SMARCB1: variants seen among roughly 807,000 people sequenced by gnomAD.
SMARCB1 encodes the protein SWI/SNF-related matrix-associated actin-dependent regulator of chromatin subfamily B member 1.
Under a neutral mutation model 49.0 loss-of-function variants are expected in SMARCB1, and 5 were observed. That is an observed-to-expected ratio of 0.10 (90% CI 0.05 to 0.21). The LOEUF is 0.21. Among genes scored for constraint, SMARCB1 ranks in the 10% least tolerant of loss-of-function variants. SMARCB1 has a pLI of 1.00. For missense variants in SMARCB1, 226 were observed against 509.2 expected, an observed-to-expected ratio of 0.44 and a Z score of 5.35; for synonymous variants, 201 against 200.1, an observed-to-expected ratio of 1.00 and a Z score of -0.04.
At chr22:23,828,531 G>A (rs2267042) in intron 7 of SMARCB1, among the ~76,000 whole-genome samples, 18,749 of 152,050 alleles carry the variant, frequency 0.12, 1,244 homozygotes, top group South Asian at 0.27. Context: ...GTGGGCACCC[G>A]TAATCCCAGC....
Position 23,835,811 on chromosome 22 carries a change from C to A in SMARCB1, c.*1631C>A, listed in dbSNP as rs575190094. 1.1e-4 allele frequency: 108 copies of A among 985,492 alleles called. No homozygotes were observed. The highest frequency in any genetic ancestry group is 1.3e-4 in the Non-Finnish European group (105 of 829,964). The allele number at this position is 985,492 out of a possible 1,614,324, so 61.0% of individuals were successfully genotyped here. A position where few individuals can be genotyped will look rare whatever the true frequency, so the allele number is the denominator to read the frequency against. On this transcript the variant is annotated 3_prime_UTR_variant, in exon 9 of 9. Coordinates refer to ENST00000644036, the MANE Select transcript of SMARCB1 (RefSeq NM_003073.5). ...ATGGAAGGAACCTTGGCTGCCTCAC[C>A]CCACAGGTCGGGCAGGGCCACCTGG... is the stretch of plus-strand genomic sequence containing the variant.
chr22:23,834,856 T>TCCCTGGGCCG lies in SMARCB1; in HGVS notation c.*683_*692dup. ...GAAGGTGCCGCGAGCTCTCCTGCCG[T>TCCCTGGGCCG]CCCTGGGCCGCCCTGGCTCTGCTGT... On this transcript the variant is annotated 3_prime_UTR_variant, in exon 9 of 9. Transcript: ENST00000644036. 6.2e-7 allele frequency: 1 copy of TCCCTGGGCCG among 1,612,564 alleles called. No homozygotes were observed. The highest frequency in any genetic ancestry group is 8.5e-7 in the Non-Finnish European group (1 of 1,179,752).
intron 3 of SMARCB1, among the ~76,000 whole-genome samples, chr22:23,799,210 C>T (rs1928972649): frequency 6.6e-6 from 1 of 152,022 alleles, no homozygotes; most frequent in African/African-American, 2.4e-5. Flanking sequence ...AAGCACAGAG[C>T]ACAACGGGCA....
rs112469624 is a variant in SMARCB1 at position 23,793,485 on chromosome 22, G to A, written c.233-74G>A. The A allele has an allele frequency of 4.9e-4, 740 of 1,520,660 alleles. 3 individuals carry two copies. The highest frequency in any genetic ancestry group is 1.3e-3 in the South Asian group (119 of 89,240). The allele number at this position is 1,520,660 out of a possible 1,614,324, so 94.2% of individuals were successfully genotyped here. A position where few individuals can be genotyped will look rare whatever the true frequency, so the allele number is the denominator to read the frequency against. ...CTCCCGCATGCGAGGACCTTGATGTGCTGCATCCACTTGGCTGGCTGCTGT... is the reference window on the plus strand; with the variant it reads ...CTCCCGCATGCGAGGACCTTGATGTACTGCATCCACTTGGCTGGCTGCTGT... On this transcript the variant is annotated intron_variant, in intron 2 of 8. Coordinates refer to ENST00000644036, the MANE Select transcript of SMARCB1 (RefSeq NM_003073.5).
intron 2 of SMARCB1, chr22:23,793,114 C>T (rs982516955): frequency 3.8e-6 from 1 of 264,800 alleles, no homozygotes; most frequent in African/African-American, 2.2e-5. Context: ...TATTCTTCAT[C>T]TTCCATTCCA....
rs2031069425 is a variant in SMARCB1 at position 23,836,635 on chromosome 22, C to T, written c.*2455C>T. On this transcript the variant is annotated 3_prime_UTR_variant, in exon 9 of 9. Transcript: ENST00000644036. Reference sequence around the variant, plus strand: ...TCTGTGGGCACCCCTATCCTACCACCTGCAGTTGGGCTGAGAGGCCACACT... The same window carrying T: ...TCTGTGGGCACCCCTATCCTACCACTTGCAGTTGGGCTGAGAGGCCACACT... The T allele has an allele frequency of 8.1e-7, 1 of 1,241,176 alleles. No homozygotes were observed. Among genetic ancestry groups the T allele is most frequent in the Non-Finnish European group, 1.0e-6 (1 of 995,978 alleles). 76.9% of individuals were successfully genotyped at this position (1,241,176 alleles called of 1,614,324 possible).
In SMARCB1 at chr22:23,793,604, C is replaced by G. The variant is rs2145963921; in HGVS notation, c.278C>G (p.Ala93Gly). 1 of 1,613,936 alleles carries G rather than the reference C, an allele frequency of 6.2e-7. No homozygotes were observed. Among genetic ancestry groups the G allele is most frequent in the East Asian group, 2.2e-5 (1 of 44,874 alleles). The change falls in exon 3 of 9, where the codon GCC (alanine) becomes GGC (glycine). Residue 93 changes from alanine (A) to glycine (G), a missense_variant. Transcript: ENST00000644036. Reference sequence around the variant, plus strand: ...GCCACCAGTGTGACCCTGTTAAAAGCCTCGGAAGTGGAAGAGATTCTGGAT... The same window carrying G: ...GCCACCAGTGTGACCCTGTTAAAAGGCTCGGAAGTGGAAGAGATTCTGGAT... The part of the protein sequence containing the change: ...TLATSVTLLK[A>G]SEVEEILDGN...
chr22:23,832,392 G>T (rs780417060), intron 7 of SMARCB1, among the ~76,000 whole-genome samples: 2 of 152,308 alleles, frequency 1.3e-5, no homozygotes, highest in South Asian at 4.1e-4. Flanking sequence ...TCCACCTGGC[G>T]CCTCCCCCGA....
intron 3 of SMARCB1, among the ~76,000 whole-genome samples, chr22:23,794,892 C>G (rs1197553217): frequency 6.6e-6 from 1 of 151,756 alleles, no homozygotes; most frequent in Non-Finnish European, 1.5e-5. Context: ...GAGTGAAACT[C>G]CACCTCAAAA....
At position 23,835,352 on chromosome 22, in the gene SMARCB1, A is replaced by T. The variant is rs759016358; in HGVS notation, c.*1172A>T. On this transcript the variant is annotated 3_prime_UTR_variant, in exon 9 of 9. Transcript: ENST00000644036. ...GATCCGGGCACAGATCCCAGCACAG[A>T]CTGCTGCCACCCTCAGCTGTTGGCA... 7.0e-6 allele frequency: 7 copies of T among 994,692 alleles called. No individual in the cohort carries two copies. The highest frequency in any genetic ancestry group is 8.4e-6 in the Non-Finnish European group (7 of 836,606). 61.6% of individuals were successfully genotyped at this position (994,692 alleles called of 1,614,324 possible). A position where few individuals can be genotyped will look rare whatever the true frequency, so the allele number is the denominator to read the frequency against.
At chr22:23,799,318 C>T (rs1039036701) in intron 3 of SMARCB1, among the ~76,000 whole-genome samples, 1 of 151,146 alleles carries the variant, frequency 6.6e-6, no homozygotes, top group Non-Finnish European at 1.5e-5. Context: ...GTTGCTCTCT[C>T]GCCCAGGCTG....
chr22:23,805,766 A>G lies in SMARCB1; in HGVS notation c.628+2344A>G, dbSNP rs183694328. ...GTGATCCGCCCGCCTTGGCCTCCCA[A>G]AGTGCTGGGATTACAGGCGTGAGCC... On this transcript the variant is annotated intron_variant, in intron 5 of 8. Transcript: ENST00000644036. Among the ~76,000 whole-genome samples the G allele has an allele frequency of 9.2e-5, 14 of 152,304 alleles. No homozygotes were observed. The East Asian group carries it at 2.5e-3, about 27-fold the overall frequency.
Position 23,837,837 on chromosome 22 carries a change from G to A in SMARCB1, c.*3657G>A. 1 of 1,612,438 alleles carries A rather than the reference G, an allele frequency of 6.2e-7. No individual in the cohort carries two copies. The highest frequency in any genetic ancestry group is 8.5e-7 in the Non-Finnish European group (1 of 1,179,078). On this transcript the variant is annotated 3_prime_UTR_variant, in exon 9 of 9. Coordinates refer to ENST00000644036, the MANE Select transcript of SMARCB1 (RefSeq NM_003073.5). ...GGGCCTGGCCCAGGAAGAACAGGCTGCCCAGGAGTCCCAGCAGCTGGGCCA... is the reference window on the plus strand; with the variant it reads ...GGGCCTGGCCCAGGAAGAACAGGCTACCCAGGAGTCCCAGCAGCTGGGCCA...
At chr22:23,792,161 G>A (rs1928421711) in intron 2 of SMARCB1, 1 of 473,562 alleles carries the variant, frequency 2.1e-6, no homozygotes, top group Non-Finnish European at 3.9e-6. Context: ...GTGAAGACAT[G>A]TTGGTCTCAA....
chr22:23,810,231 A>G (rs1303432322), intron 5 of SMARCB1, among the ~76,000 whole-genome samples: 1 of 149,224 alleles, frequency 6.7e-6, no homozygotes, highest in African/African-American at 2.5e-5. Context: ...GAGTGGCTAA[A>G]AGAAAGGAAA....
intron 4 of SMARCB1, 171 bp from the exon 5 acceptor site, chr22:23,803,124 G>A (rs1372250633): frequency 3.1e-5 from 24 of 785,370 alleles, no homozygotes; most frequent in South Asian, 1.6e-4. Flanking sequence ...CCATTAGACC[G>A]TGGCCCCGGG....
chr22:23,807,207 C>T (rs1929548330), intron 5 of SMARCB1, among the ~76,000 whole-genome samples: 1 of 152,178 alleles, frequency 6.6e-6, no homozygotes, highest in Admixed American at 6.6e-5. Context: ...TCTGTCTTGG[C>T]ACACAGGCAA....
At chr22:23,810,196 T>C (rs1451795267) in intron 5 of SMARCB1, among the ~76,000 whole-genome samples, 1 of 141,000 alleles carries the variant, frequency 7.1e-6, no homozygotes, top group Non-Finnish European at 1.5e-5. Context: ...AAAAGTAAAC[T>C]ATCCCCTGCA....
chr22:23,827,367 G>GA (rs2030437119), intron 7 of SMARCB1, among the ~76,000 whole-genome samples: 1 of 152,308 alleles, frequency 6.6e-6, no homozygotes, highest in Admixed American at 6.5e-5. Context: ...GCTCTGACCC[G>GA]AAGGTGACCT....
Sources: allele counts gnomAD v4.1 joint callset (sites outside exome capture counted in the v4.1 genomes callset), GRCh38; gene constraint gnomAD v4.1.1; transcripts MANE v1.5; gene names NCBI Gene and HGNC (gene_info 2026-07-23, HGNC 2026-07-21).